DIP2C: variants seen among roughly 807,000 people sequenced by gnomAD.
DIP2C encodes DIP2 acetate--CoA ligase C (putative), also known as disco-interacting protein 2 homolog C.
In DIP2C, 33 loss-of-function variants were observed where a neutral mutation model predicts 192.4. That is an observed-to-expected ratio of 0.17 (90% CI 0.13 to 0.23). The LOEUF is 0.23. Ranked by LOEUF, DIP2C falls within the 10% of genes least tolerant of loss-of-function variation. The pLI is 1.00. For synonymous variants in DIP2C, 979 were observed against 864.1 expected (o/e 1.13, Z -2.33); for missense variants, 1,537 against 2,110.1 (o/e 0.73, Z 5.32).
intron 26 of DIP2C, among the ~76,000 whole-genome samples, chr10:345,395 A>G (rs116107475): frequency 0.011 from 1,646 of 152,046 alleles, 34 homozygotes; most frequent in African/African-American, 0.038. Context: ...TGCTCACACC[A>G]TTAGATCTGT....
intron 1 of DIP2C, among the ~76,000 whole-genome samples, chr10:575,010 A>G (rs1376639923): frequency 1.3e-5 from 2 of 152,164 alleles, no homozygotes; most frequent in African/African-American, 4.8e-5. Context: ...AGACCCACGA[A>G]AGGCCTAGGA....
At chr10:493,450 G>T (rs144999875) in intron 1 of DIP2C, among the ~76,000 whole-genome samples, 2 of 152,160 alleles carry the variant, frequency 1.3e-5, no homozygotes, top group East Asian at 1.9e-4. Context: ...TTTGGTGTTG[G>T]GGGGAGCGAG....
intron 2 of DIP2C, among the ~76,000 whole-genome samples, chr10:481,038 G>A (rs968563866): frequency 6.6e-6 from 1 of 152,194 alleles, no homozygotes; most frequent in Non-Finnish European, 1.5e-5. Flanking sequence ...GGACCCTCCA[G>A]CCCAGGTGAG....
chr10:470,327 G>T (rs939174120), intron 3 of DIP2C, among the ~76,000 whole-genome samples: 1 of 152,192 alleles, frequency 6.6e-6, no homozygotes, highest in Non-Finnish European at 1.5e-5. Context: ...TGCTTCTCAC[G>T]TTGGGTCTAG....
At chr10:683,673 T>A (rs1831211995) in intron 1 of DIP2C, among the ~76,000 whole-genome samples, 2 of 152,042 alleles carry the variant, frequency 1.3e-5, no homozygotes, top group African/African-American at 4.8e-5. Flanking sequence ...TGAGTAACGA[T>A]GAGAAGAGCA....
At chr10:676,707 C>G (rs1239632525) in intron 1 of DIP2C, among the ~76,000 whole-genome samples, 1 of 151,726 alleles carries the variant, frequency 6.6e-6, no homozygotes, top group African/African-American at 2.4e-5. Context: ...GAAATCTAAC[C>G]AAGAGGGTTA....
At chr10:324,070 G>T (rs1957153698) in intron 31 of DIP2C, among the ~76,000 whole-genome samples, 1 of 152,146 alleles carries the variant, frequency 6.6e-6, no homozygotes, top group Non-Finnish European at 1.5e-5. Context: ...CTGCTGAAGC[G>T]TTCCTGACTG....
chr10:281,136 A>G, intron 36 of DIP2C, 64 bp downstream of exon 36: 1 of 1,595,770 alleles, frequency 6.3e-7, no homozygotes, highest in Non-Finnish European at 8.6e-7. Context: ...CGTGCTCTCC[A>G]CATTCTCAAT....
Position 417,991 on chromosome 10 carries a change from TCCAC to T in DIP2C, c.739+1070_739+1073del, listed in dbSNP as rs1221671212. 2.8e-5 allele frequency among the ~76,000 whole-genome samples: 3 copies of T among 105,494 alleles called. 1 individual carries two copies. The highest frequency in any genetic ancestry group is 1.8e-4 in the Admixed American group (2 of 11,310). The allele number at this position is 105,494 out of a possible 152,430, so 69.2% of individuals were successfully genotyped here. ...GTCAGGGCTCGGATAGGCCTCCCTG[TCCAC>T]CTGCACCTGTCAGGGCGCGGACAGG... On this transcript the variant is annotated intron_variant, in intron 6 of 36. Transcript: ENST00000280886.
chr10:448,767 C>G (rs1423214842), intron 3 of DIP2C, among the ~76,000 whole-genome samples: 1 of 144,062 alleles, frequency 6.9e-6, no homozygotes, highest in Non-Finnish European at 1.5e-5. Context: ...GACCCACTCA[C>G]CCCTGTCGAT....
At chr10:601,397 G>A (rs545278583) in intron 1 of DIP2C, among the ~76,000 whole-genome samples, 2 of 152,198 alleles carry the variant, frequency 1.3e-5, no homozygotes, top group African/African-American at 2.4e-5. Flanking sequence ...AACGTGCTAA[G>A]TGCATTTTTT....
At chr10:317,150 T>C (rs1244037546) in intron 31 of DIP2C, among the ~76,000 whole-genome samples, 1 of 152,266 alleles carries the variant, frequency 6.6e-6, no homozygotes, top group Non-Finnish European at 1.5e-5. Flanking sequence ...TGGATCTGTA[T>C]GTTGTCATCA....
chr10:560,669 T>G (rs565025893), intron 1 of DIP2C, among the ~76,000 whole-genome samples: 1 of 152,342 alleles, frequency 6.6e-6, no homozygotes, highest in South Asian at 2.1e-4. Flanking sequence ...ACACGGGCTA[T>G]CATCCACAGA....
intron 4 of DIP2C, 90 bp from the exon 5 acceptor site, chr10:423,123 G>T: frequency 7.9e-7 from 1 of 1,260,178 alleles, no homozygotes; most frequent in Non-Finnish European, 1.1e-6. Context: ...TTTACTTCAC[G>T]TAAGTCTCAA....
intron 1 of DIP2C, among the ~76,000 whole-genome samples, chr10:597,347 G>A (rs557537033): frequency 1.1e-4 from 17 of 152,098 alleles, no homozygotes; most frequent in Admixed American, 5.2e-4. Flanking sequence ...CCTCCCCCTG[G>A]ACACACACAC....
chr10:461,212 A>G (rs1969746261), intron 3 of DIP2C, among the ~76,000 whole-genome samples: 1 of 152,178 alleles, frequency 6.6e-6, no homozygotes, highest in Non-Finnish European at 1.5e-5. Context: ...ATTAACCTTA[A>G]ATGTAAATGG....
At chr10:427,004 T>C (rs1202359849) in intron 4 of DIP2C, among the ~76,000 whole-genome samples, 1 of 152,226 alleles carries the variant, frequency 6.6e-6, no homozygotes, top group East Asian at 1.9e-4. Flanking sequence ...TTCATTAAAA[T>C]AGAAAACTAC....
intron 18 of DIP2C, among the ~76,000 whole-genome samples, chr10:368,663 G>C (rs1340026631): frequency 6.6e-6 from 1 of 152,242 alleles, no homozygotes; most frequent in African/African-American, 2.4e-5. Flanking sequence ...TCCATGGGGC[G>C]AGGGTCCCTG....
chr10:350,608 GTGAC>G (rs1311121479), intron 24 of DIP2C, among the ~76,000 whole-genome samples: 3 of 149,422 alleles, frequency 2.0e-5, no homozygotes, highest in South Asian at 2.1e-4. Flanking sequence ...GAGCCGAAGA[GTGAC>G]TGAACACCCG....
Sources: allele counts gnomAD v4.1 joint callset (sites outside exome capture counted in the v4.1 genomes callset), GRCh38; gene constraint gnomAD v4.1.1; transcripts MANE v1.5; gene names NCBI Gene and HGNC (gene_info 2026-07-23, HGNC 2026-07-21).